The following ZDHHC20 variants were observed in gnomAD, a reference collection of about 807,000 sequenced individuals.
The protein encoded by ZDHHC20 is zDHHC palmitoyltransferase 20, also known as palmitoyltransferase ZDHHC20.
In ZDHHC20, 43 loss-of-function variants were observed where a neutral mutation model predicts 57.8. The ratio of observed to expected loss-of-function variants is 0.74; its 90% CI spans 0.58 to 0.96. The LOEUF is 0.96. Among genes scored for constraint, ZDHHC20 ranks in the 40% least tolerant of loss-of-function variants. The pLI, the probability that ZDHHC20 is intolerant of heterozygous loss-of-function variation, is 0.00. For missense variants in ZDHHC20, 391 were observed against 441.1 expected, an observed-to-expected ratio of 0.89 and a Z score of 1.02; for synonymous variants, 157 against 153.0, an observed-to-expected ratio of 1.03 and a Z score of -0.19.
chr13:21,441,389 C>CTTTT (rs1374485267), intron 1 of ZDHHC20, among the ~76,000 whole-genome samples: 2 of 147,064 alleles, frequency 1.4e-5, no homozygotes, highest in African/African-American at 2.5e-5. Flanking sequence ...TTTCTTTTCT[C>CTTTT]TCTTTTTTTT....
chr13:21,441,429 AGGCTGG>A, intron 1 of ZDHHC20, among the ~76,000 whole-genome samples: 1 of 148,070 alleles, frequency 6.8e-6, no homozygotes, highest in African/African-American at 2.5e-5. Context: ...ACTGTCGCCC[AGGCTGG>A]AGTGCAGTGG....
chr13:21,378,262 C>G (rs1872598290), intron 12 of ZDHHC20, among the ~76,000 whole-genome samples: 1 of 152,000 alleles, frequency 6.6e-6, no homozygotes, highest in Non-Finnish European at 1.5e-5. Context: ...ATTTAAGTAT[C>G]TGACCCAGGC....
chr13:21,401,777 C>T (rs1417681948), intron 5 of ZDHHC20, 92 bp from the exon 6 acceptor site: 2 of 1,150,662 alleles, frequency 1.7e-6, no homozygotes, highest in African/African-American at 3.2e-5. Context: ...TTAAAATTCC[C>T]TTTACAACTA....
In ZDHHC20 at chr13:21,459,053, C is replaced by A; in HGVS notation, c.118+1G>T. ...CCGCAGTCCCCGGGGACGGTACTCA[C>A]ACACGCAGAGCTCCACCACGTACGC... On this transcript the variant is annotated splice_donor_variant, in intron 1 of 12. Coordinates refer to ENST00000400590, the MANE Select transcript of ZDHHC20 (RefSeq NM_001330059.2). LOFTEE classifies it high-confidence loss of function. The A allele has an allele frequency of 6.3e-7, 1 of 1,594,542 alleles. No homozygotes were observed. Among genetic ancestry groups the A allele is most frequent in the East Asian group, 2.3e-5 (1 of 42,828 alleles).
chr13:21,409,605 A>G (rs1878935455), intron 4 of ZDHHC20, among the ~76,000 whole-genome samples: 1 of 151,600 alleles, frequency 6.6e-6, no homozygotes, highest in African/African-American at 2.4e-5. Flanking sequence ...TTTTTTCTCT[A>G]ATCTTGTCTT....
rs571427672 is a variant in ZDHHC20 at position 21,400,578 on chromosome 13, G to A, written c.474-85C>T. The A allele has an allele frequency of 2.6e-5, 37 of 1,405,752 alleles. No individual in the cohort carries two copies. In the African/African-American group the frequency reaches 5.1e-4, roughly 19 times the overall value. 87.1% of individuals were successfully genotyped at this position (1,405,752 alleles called of 1,614,324 possible). Reference sequence around the variant, plus strand: ...AGAAAGTAGGATGGAGGCTGCCAGGGGCTGGTGTGGTGTGGGGAAGGGGAG... The same window carrying A: ...AGAAAGTAGGATGGAGGCTGCCAGGAGCTGGTGTGGTGTGGGGAAGGGGAG... On this transcript the variant is annotated intron_variant, in intron 6 of 12. Transcript: ENST00000400590.
intron 1 of ZDHHC20, among the ~76,000 whole-genome samples, chr13:21,448,887 G>T (rs1884147570): frequency 1.1e-5 from 1 of 92,938 alleles, no homozygotes; most frequent in African/African-American, 3.5e-5. Context: ...AAATTCTTCT[G>T]CCTTGGGATC....
At chr13:21,430,901 A>G (rs1881833702) in intron 1 of ZDHHC20, among the ~76,000 whole-genome samples, 1 of 152,134 alleles carries the variant, frequency 6.6e-6, no homozygotes, top group African/African-American at 2.4e-5. Flanking sequence ...CATGGATTTT[A>G]GCTGTACTTA....
At chr13:21,405,878 CCT>C (rs1206477139) in intron 4 of ZDHHC20, among the ~76,000 whole-genome samples, 11 of 152,124 alleles carry the variant, frequency 7.2e-5, no homozygotes, top group Non-Finnish European at 1.0e-4. Flanking sequence ...AAGTTAAGTC[CCT>C]GCTTCCATAA....
chr13:21,376,846 C>A, intron 12 of ZDHHC20, 191 bp from the exon 13 acceptor site: 1 of 355,276 alleles, frequency 2.8e-6, no homozygotes, highest in Non-Finnish European at 5.1e-6. Flanking sequence ...ACTGTCTTCC[C>A]CAGAAGCAAT....
At chr13:21,424,854 TAAAG>T (rs1881076596) in intron 2 of ZDHHC20, among the ~76,000 whole-genome samples, 1 of 152,172 alleles carries the variant, frequency 6.6e-6, no homozygotes, top group Admixed American at 6.5e-5. Flanking sequence ...ATTTTTGATT[TAAAG>T]AAAGAAAATA....
intron 7 of ZDHHC20, among the ~76,000 whole-genome samples, chr13:21,397,220 C>T (rs1379412298): frequency 1.3e-5 from 2 of 151,926 alleles, no homozygotes; most frequent in Non-Finnish European, 2.9e-5. Flanking sequence ...CATGGTAAAA[C>T]CCCGTCTCTG....
At chr13:21,447,380 T>G (rs949712679) in intron 1 of ZDHHC20, among the ~76,000 whole-genome samples, 1 of 149,330 alleles carries the variant, frequency 6.7e-6, no homozygotes, top group Non-Finnish European at 1.5e-5. Context: ...CTCGGCTCAC[T>G]GCAACCTCCC....
At chr13:21,422,501 G>A (rs1880756044) in intron 2 of ZDHHC20, among the ~76,000 whole-genome samples, 1 of 152,154 alleles carries the variant, frequency 6.6e-6, no homozygotes, top group Admixed American at 6.5e-5. Flanking sequence ...TCAGAGAACA[G>A]AAACTCCAGT....
intron 1 of ZDHHC20, among the ~76,000 whole-genome samples, chr13:21,447,086 G>A (rs1486631014): frequency 1.3e-5 from 2 of 151,958 alleles, no homozygotes; most frequent in East Asian, 1.9e-4. Flanking sequence ...AAAGGTGGGG[G>A]TGGAGCACAG....
At chr13:21,436,759 C>G (rs895091467) in intron 1 of ZDHHC20, among the ~76,000 whole-genome samples, 3 of 152,168 alleles carry the variant, frequency 2.0e-5, no homozygotes, top group Non-Finnish European at 4.4e-5. Flanking sequence ...AAGAGTCACA[C>G]ACCTGTCACT....
chr13:21,403,213 C>T (rs1877954749), intron 4 of ZDHHC20, among the ~76,000 whole-genome samples: 1 of 151,494 alleles, frequency 6.6e-6, no homozygotes, highest in Admixed American at 6.6e-5. Flanking sequence ...TCTATTATAC[C>T]ACAATGCCTA....
At chr13:21,420,824 T>C (rs923615383) in intron 3 of ZDHHC20, among the ~76,000 whole-genome samples, 5 of 152,210 alleles carry the variant, frequency 3.3e-5, no homozygotes, top group African/African-American at 1.2e-4. Context: ...TAAAGACACA[T>C]AGCATGGCAG....
rs527759807 is a variant in ZDHHC20 at position 21,454,325 on chromosome 13, C to CAAAACA, written c.118+4723_118+4728dup. 3.4e-3 allele frequency among the ~76,000 whole-genome samples: 521 copies of CAAAACA among 151,980 alleles called. 2 individuals are homozygous for CAAAACA. Among genetic ancestry groups the CAAAACA allele is most frequent in the African/African-American group, 0.012 (477 of 41,472 alleles). ...TGGGCAACAAAATGAGACTCCATCT[C>CAAAACA]AAAACAAAAACAAAAACAAAAACAA... On this transcript the variant is annotated intron_variant, in intron 1 of 12. Transcript: ENST00000400590.
Sources: gnomAD v4.1 joint callset for allele counts (sites outside exome capture counted in the v4.1 genomes callset) on GRCh38, gnomAD v4.1.1 for gene constraint, MANE v1.5 for transcripts, NCBI Gene and HGNC (gene_info 2026-07-23, HGNC 2026-07-21) for gene names.